The following PLCH1 variants were observed in gnomAD, a reference collection of about 807,000 sequenced individuals.
PLCH1 encodes the protein 1-phosphatidylinositol 4,5-bisphosphate phosphodiesterase eta-1.
Under a neutral mutation model 126.7 loss-of-function variants are expected in PLCH1, and 60 were observed. The observed-to-expected ratio is 0.47, with a 90% CI of 0.38 to 0.59. The LOEUF (loss-of-function observed/expected upper bound fraction) is 0.59, where lower values mean the gene tolerates loss of function less well. PLCH1 is among the 20% of genes least tolerant of loss of function. The pLI, the probability that PLCH1 is intolerant of heterozygous loss-of-function variation, is 0.00. For synonymous variants in PLCH1, 719 were observed against 734.9 expected (o/e 0.98, Z 0.35); for missense variants, 1,723 against 2,040.0 (o/e 0.84, Z 2.99).
intron 8 of PLCH1, among the ~76,000 whole-genome samples, chr3:155,556,405 A>C (rs953044813): frequency 6.6e-6 from 1 of 152,176 alleles, no homozygotes; most frequent in African/African-American, 2.4e-5. Flanking sequence ...TGTGAACCAC[A>C]TATGTTCTCT....
intron 2 of PLCH1, among the ~76,000 whole-genome samples, chr3:155,611,510 A>G (rs1735091617): frequency 6.6e-6 from 1 of 152,216 alleles, no homozygotes; most frequent in Non-Finnish European, 1.5e-5. Context: ...TGTAGCTCTC[A>G]AATTTATTAA....
At chr3:155,573,873 G>A (rs1682993764) in intron 6 of PLCH1, among the ~76,000 whole-genome samples, 1 of 152,020 alleles carries the variant, frequency 6.6e-6, no homozygotes, top group Non-Finnish European at 1.5e-5. Context: ...TTTCCATATA[G>A]TACCCACACT....
chr3:155,649,773 T>C (rs1165823996), intron 2 of PLCH1, among the ~76,000 whole-genome samples: 3 of 152,044 alleles, frequency 2.0e-5, no homozygotes, highest in Non-Finnish European at 4.4e-5. Context: ...GGTCAGAAGA[T>C]TGAGACCTTC....
At chr3:155,617,201 T>C (rs1735895793) in intron 2 of PLCH1, among the ~76,000 whole-genome samples, 1 of 152,172 alleles carries the variant, frequency 6.6e-6, no homozygotes, top group African/African-American at 2.4e-5. Flanking sequence ...ACTTTTGTCA[T>C]CCACAGACAA....
chr3:155,466,587 G>C (rs1042974447), intron 21 of PLCH1, among the ~76,000 whole-genome samples: 2 of 152,144 alleles, frequency 1.3e-5, no homozygotes, highest in African/African-American at 4.8e-5. Context: ...AGACACTGAA[G>C]AACATCTACT....
chr3:155,671,252 CAG>C (rs1035894305), intron 2 of PLCH1, among the ~76,000 whole-genome samples: 6 of 152,158 alleles, frequency 3.9e-5, no homozygotes, highest in Non-Finnish European at 7.3e-5. Flanking sequence ...ATGCACTTCA[CAG>C]AGTTATGATG....
chr3:155,538,128 A>G (rs1723701636), intron 10 of PLCH1, among the ~76,000 whole-genome samples: 1 of 152,162 alleles, frequency 6.6e-6, no homozygotes, highest in Non-Finnish European at 1.5e-5. Flanking sequence ...TATAAATTAA[A>G]TAATCTGCTC....
At chr3:155,680,331 C>T (rs948800510) in intron 2 of PLCH1, among the ~76,000 whole-genome samples, 1 of 151,842 alleles carries the variant, frequency 6.6e-6, no homozygotes, top group Non-Finnish European at 1.5e-5. Flanking sequence ...TGCAGTGAGC[C>T]GAGATCATGC....
At position 155,557,232 on chromosome 3, in the gene PLCH1, A is replaced by G. The variant is rs559510108; in HGVS notation, c.1070-3036T>C. 2.6e-3 allele frequency among the ~76,000 whole-genome samples: 399 copies of G among 152,346 alleles called. 1 individual carries two copies. The highest frequency in any genetic ancestry group is 4.7e-3 in the Non-Finnish European group (323 of 68,026). Reference sequence around the variant, plus strand: ...AATTTGTCTCTGGAAATAATTATGGAAAAAACTTAACAGGTGTTTCAAATA... The same window carrying G: ...AATTTGTCTCTGGAAATAATTATGGGAAAAACTTAACAGGTGTTTCAAATA... On this transcript the variant is annotated intron_variant, in intron 8 of 22. Transcript: ENST00000460012.
At chr3:155,740,898 C>G (rs1252744632) in intron 1 of PLCH1, among the ~76,000 whole-genome samples, 7 of 152,170 alleles carry the variant, frequency 4.6e-5, no homozygotes. Context: ...GTAGATTTAT[C>G]TTTTTCTGCT....
rs562362690 is a variant in PLCH1, at chr3:155,458,673, T to C, written c.2938+26683A>G. Among the ~76,000 whole-genome samples, 3 of 152,286 alleles carry C rather than the reference T, an allele frequency of 2.0e-5. No homozygotes were observed. In the South Asian group the frequency reaches 6.2e-4, roughly 32 times the overall value. On this transcript the variant is annotated intron_variant, in intron 21 of 21. Coordinates refer to the PLCH1 transcript ENST00000494598. ...GTGGACTTCAAATAGTTAAGTCCCA[T>C]GGAGGCAGATTTCAACAATGCAAGA...
At chr3:155,727,558 T>C (rs1459905918) in intron 1 of PLCH1, among the ~76,000 whole-genome samples, 1 of 152,142 alleles carries the variant, frequency 6.6e-6, no homozygotes, top group Non-Finnish European at 1.5e-5. Context: ...CAGCTAATTT[T>C]TGTATTTTTA....
At chr3:155,483,425 CA>C (rs1714505470) in intron 22 of PLCH1, 2 of 1,387,822 alleles carry the variant, frequency 1.4e-6, no homozygotes, top group Admixed American at 4.4e-5. Flanking sequence ...CTCTGTTAAA[CA>C]AAGCATTGTG....
At chr3:155,539,325 T>A (rs2108378477) in intron 10 of PLCH1, among the ~76,000 whole-genome samples, 1 of 152,296 alleles carries the variant, frequency 6.6e-6, no homozygotes. Context: ...GCTGAAAGCA[T>A]TCCCCCTGAG....
At chr3:155,608,351 A>G (rs1257732674) in intron 2 of PLCH1, among the ~76,000 whole-genome samples, 22 of 152,224 alleles carry the variant, frequency 1.4e-4, no homozygotes, top group Admixed American at 1.4e-3. Flanking sequence ...AAATTGCTGC[A>G]GGAGCCATGG....
intron 3 of PLCH1, among the ~76,000 whole-genome samples, chr3:155,595,580 G>A (rs1232784892): frequency 6.6e-6 from 1 of 152,142 alleles, no homozygotes; most frequent in African/African-American, 2.4e-5. Context: ...CTGCTTCTCA[G>A]GCCTTTGGAC....
chr3:155,599,208 A>G (rs532100871), intron 2 of PLCH1, among the ~76,000 whole-genome samples: 1 of 152,220 alleles, frequency 6.6e-6, no homozygotes, highest in East Asian at 1.9e-4. Flanking sequence ...AATTCAAGCT[A>G]AGACACTGCT....
intron 21 of PLCH1, among the ~76,000 whole-genome samples, chr3:155,451,492 T>C (rs1020018748): frequency 3.9e-5 from 6 of 152,306 alleles, no homozygotes; most frequent in African/African-American, 1.4e-4. Flanking sequence ...AACAGGGCCA[T>C]GTAGTGCCCA....
chr3:155,597,103 C>T (rs1733074863), intron 2 of PLCH1, among the ~76,000 whole-genome samples: 1 of 151,184 alleles, frequency 6.6e-6, no homozygotes, highest in Admixed American at 6.6e-5. Context: ...GTTATTTTTG[C>T]CTGTTTCCCC....
Sources: gnomAD v4.1 joint callset for allele counts (sites outside exome capture counted in the v4.1 genomes callset) on GRCh38, gnomAD v4.1.1 for gene constraint, MANE v1.5 for transcripts, NCBI Gene and HGNC (gene_info 2026-07-23, HGNC 2026-07-21) for gene names.